DNAH11: variants seen among roughly 807,000 people sequenced by gnomAD.
The protein encoded by DNAH11 is axonemal beta dynein heavy chain 11.
DNAH11 carries 442 observed loss-of-function variants against 526.0 expected under a neutral mutation model. That is an observed-to-expected ratio of 0.84 (90% CI 0.78 to 0.91). The LOEUF is 0.91. Ranked by LOEUF, DNAH11 falls within the 40% of genes least tolerant of loss-of-function variation. The probability of loss-of-function intolerance (pLI) is 0.00; values close to 1 mark genes in which losing one functional copy is unlikely to be tolerated. For missense variants in DNAH11, 6,989 were observed against 5,448.7 expected (o/e 1.28, Z -8.90); for synonymous variants, 2,461 against 1,935.9 (o/e 1.27, Z -7.12).
intron 55 of DNAH11, among the ~76,000 whole-genome samples, chr7:21,765,980 G>A (rs761332634): frequency 2.0e-5 from 3 of 152,084 alleles, no homozygotes; most frequent in South Asian, 4.1e-4. Context: ...TGTAGTCACC[G>A]TAGCCACGCA....
chr7:21,609,003 A>G lies in DNAH11; in HGVS notation c.3852+2270A>G, dbSNP rs541659081. Among the ~76,000 whole-genome samples the G allele has an allele frequency of 5.9e-5, 9 of 152,252 alleles. No individual in the cohort carries two copies. The South Asian group carries it at 1.9e-3, about 32-fold the overall frequency. On this transcript the variant is annotated intron_variant, in intron 20 of 81. Coordinates refer to ENST00000409508, the MANE Select transcript of DNAH11 (RefSeq NM_001277115.2). ...TTATTGTTCTGGGCTGGTATGGTGG[A>G]CCCTGGTTCTGAAGGCATCTCAGTC...
At chr7:21,885,421 A>G (rs972543348) in intron 76 of DNAH11, among the ~76,000 whole-genome samples, 4 of 151,808 alleles carry the variant, frequency 2.6e-5, no homozygotes, top group African/African-American at 9.7e-5. Flanking sequence ...GATCTCCTAT[A>G]AATGGTGAAT....
At chr7:21,858,018 C>T (rs951172649) in intron 68 of DNAH11, among the ~76,000 whole-genome samples, 5 of 152,006 alleles carry the variant, frequency 3.3e-5, no homozygotes, top group Admixed American at 6.5e-5. Context: ...ATTCTCAATA[C>T]ATATATATAA....
intron 35 of DNAH11, among the ~76,000 whole-genome samples, chr7:21,697,322 TAA>T (rs1339217330): frequency 1.3e-5 from 2 of 152,160 alleles, no homozygotes; most frequent in Non-Finnish European, 2.9e-5. Flanking sequence ...TATGTTTTTC[TAA>T]ATGTCCCCTT....
intron 62 of DNAH11, among the ~76,000 whole-genome samples, chr7:21,802,459 A>G (rs913721703): frequency 6.6e-6 from 1 of 152,196 alleles, no homozygotes; most frequent in African/African-American, 2.4e-5. Context: ...ACAATCATCT[A>G]CTCATAGGTA....
At chr7:21,766,561 C>A (rs1345533716) in intron 55 of DNAH11, among the ~76,000 whole-genome samples, 1 of 152,216 alleles carries the variant, frequency 6.6e-6, no homozygotes, top group South Asian at 2.1e-4. Context: ...AAAGGCATAA[C>A]TGCCACCTTT....
chr7:21,731,999 A>C (rs1156447366), intron 45 of DNAH11, among the ~76,000 whole-genome samples: 1 of 152,220 alleles, frequency 6.6e-6, no homozygotes, highest in African/African-American at 2.4e-5. Flanking sequence ...GGTATAGGAA[A>C]AAACAGTATA....
chr7:21,676,219 G>C (rs958460264), intron 30 of DNAH11, among the ~76,000 whole-genome samples: 1 of 152,164 alleles, frequency 6.6e-6, no homozygotes, highest in Non-Finnish European at 1.5e-5. Context: ...AGATGTCCCA[G>C]GAAAATAGCC....
At chr7:21,848,083 C>A (rs1049804718) in intron 66 of DNAH11, among the ~76,000 whole-genome samples, 2 of 148,628 alleles carry the variant, frequency 1.3e-5, no homozygotes, top group South Asian at 4.2e-4. Flanking sequence ...AGGAGAATGG[C>A]GTGAACCCAG....
chr7:21,877,890 A>AAAG (rs1427596035), intron 74 of DNAH11, among the ~76,000 whole-genome samples: 4 of 150,554 alleles, frequency 2.7e-5, no homozygotes, highest in Non-Finnish European at 5.9e-5. Context: ...AAAAAAAAAA[A>AAAG]AAAAAAAAGA....
At chr7:21,833,440 G>C (rs7805055) in intron 65 of DNAH11, among the ~76,000 whole-genome samples, 35,981 of 152,014 alleles carry the variant, frequency 0.24, 5,641 homozygotes, top group African/African-American at 0.44. Context: ...TGCCTGTAAT[G>C]CCAGCACTTT....
chr7:21,754,803 G>A (rs754137523), intron 54 of DNAH11, among the ~76,000 whole-genome samples: 1 of 152,102 alleles, frequency 6.6e-6, no homozygotes, highest in Non-Finnish European at 1.5e-5. Flanking sequence ...TTTACCTTGA[G>A]GGAGAAATAT....
intron 35 of DNAH11, among the ~76,000 whole-genome samples, chr7:21,696,723 C>T (rs1168391763): frequency 6.6e-6 from 1 of 152,132 alleles, no homozygotes; most frequent in East Asian, 1.9e-4. Flanking sequence ...GATTCCACCA[C>T]TCACCAACCA....
At chr7:21,825,369 G>T (rs1046159121) in intron 65 of DNAH11, among the ~76,000 whole-genome samples, 1 of 152,208 alleles carries the variant, frequency 6.6e-6, no homozygotes, top group Non-Finnish European at 1.5e-5. Context: ...AGATTCTTCA[G>T]TGTTTATGTT....
intron 55 of DNAH11, among the ~76,000 whole-genome samples, chr7:21,769,565 A>C (rs1787333868): frequency 6.6e-6 from 1 of 151,786 alleles, no homozygotes; most frequent in African/African-American, 2.4e-5. Context: ...GCTCACTGCA[A>C]CTTCCGCCTC....
At chr7:21,676,382 G>A (rs1013616640) in intron 30 of DNAH11, among the ~76,000 whole-genome samples, 1 of 152,158 alleles carries the variant, frequency 6.6e-6, no homozygotes, top group Non-Finnish European at 1.5e-5. Flanking sequence ...TGTTTTCTAT[G>A]TCACAGACCA....
rs150975138 is a variant in DNAH11, at chr7:21,813,733, A to G, written c.10333-2734A>G. Among the ~76,000 whole-genome samples, 802 of 152,254 alleles carry G rather than the reference A, an allele frequency of 5.3e-3. 5 individuals are homozygous for G. The highest frequency in any genetic ancestry group is 0.019 in the African/African-American group (770 of 41,556). On this transcript the variant is annotated intron_variant, in intron 63 of 81. Coordinates refer to ENST00000409508, the MANE Select transcript of DNAH11 (RefSeq NM_001277115.2). Reference sequence around the variant, plus strand: ...TGTTTCAGCTCCACCTCATAGTAACATCCTGACTCACAACATGTTGACACT... The same window carrying G: ...TGTTTCAGCTCCACCTCATAGTAACGTCCTGACTCACAACATGTTGACACT...
intron 28 of DNAH11, among the ~76,000 whole-genome samples, chr7:21,652,199 C>T (rs963799763): frequency 2.6e-5 from 4 of 152,018 alleles, no homozygotes; most frequent in African/African-American, 4.8e-5. Context: ...GGAACATAAA[C>T]GACAACAGTG....
chr7:21,726,891 A>AAAAAAAAAAAG lies in DNAH11; in HGVS notation c.7440+907_7440+908insAAAAAAAAAAG, dbSNP rs1269603324. 2.6e-5 allele frequency among the ~76,000 whole-genome samples: 3 copies of AAAAAAAAAAAG among 114,748 alleles called. No individual in the cohort carries two copies. The East Asian group carries it at 1.2e-3, about 45-fold the overall frequency. 75.3% of individuals were successfully genotyped at this position (114,748 alleles called of 152,430 possible). A position where few individuals can be genotyped will look rare whatever the true frequency, so the allele number is the denominator to read the frequency against. On this transcript the variant is annotated intron_variant, in intron 45 of 81. Transcript: ENST00000409508. ...AAAAAAAAAAAAAAAAAAAAAAAAA[A>AAAAAAAAAAAG]GAATGCTTAGTGAGATGTCTGTTAT...
Sources: gnomAD v4.1 joint callset for allele counts (sites outside exome capture counted in the v4.1 genomes callset) on GRCh38, gnomAD v4.1.1 for gene constraint, MANE v1.5 for transcripts, NCBI Gene and HGNC (gene_info 2026-07-23, HGNC 2026-07-21) for gene names.